AFAP1: variants seen among roughly 807,000 people sequenced by gnomAD.
The protein encoded by AFAP1 is actin filament associated protein 1, also known as actin filament-associated protein 1.
AFAP1 carries 75 observed loss-of-function variants against 93.9 expected under a neutral mutation model. That is an observed-to-expected ratio of 0.80 (90% CI 0.66 to 0.97). The LOEUF is 0.97. Ranked by LOEUF, AFAP1 falls within the 50% of genes least tolerant of loss-of-function variation. AFAP1 has a pLI of 0.00. For missense variants in AFAP1, 1,201 were observed against 1,050.8 expected, an observed-to-expected ratio of 1.14 and a Z score of -1.98; for synonymous variants, 517 against 430.7, an observed-to-expected ratio of 1.20 and a Z score of -2.48.
intron 1 of AFAP1, among the ~76,000 whole-genome samples, chr4:7,922,609 C>A (rs1334088795): frequency 6.6e-6 from 1 of 152,222 alleles, no homozygotes; most frequent in African/African-American, 2.4e-5. Flanking sequence ...AATGGAAACA[C>A]TGAAACCCAA....
intron 1 of AFAP1, among the ~76,000 whole-genome samples, chr4:7,897,346 C>G (rs1718846159): frequency 6.6e-6 from 1 of 152,160 alleles, no homozygotes; most frequent in Non-Finnish European, 1.5e-5. Context: ...AGGCTCAATT[C>G]CATATAAATG....
At chr4:7,779,741 CAT>C (rs1260628797) in intron 13 of AFAP1, among the ~76,000 whole-genome samples, 6 of 152,258 alleles carry the variant, frequency 3.9e-5, no homozygotes, top group Admixed American at 3.3e-4. Flanking sequence ...CATTTAAAAA[CAT>C]AAAGAGATAC....
intron 9 of AFAP1, among the ~76,000 whole-genome samples, chr4:7,801,645 A>C (rs190503052): frequency 2.5e-4 from 38 of 152,310 alleles, no homozygotes; most frequent in African/African-American, 8.2e-4. Flanking sequence ...ATAGTGGCAG[A>C]AAAGGAAGTA....
chr4:7,864,789 A>G (rs1716220074), intron 3 of AFAP1, among the ~76,000 whole-genome samples: 1 of 152,234 alleles, frequency 6.6e-6, no homozygotes, highest in African/African-American at 2.4e-5. Context: ...CGAGTTGATG[A>G]TTCTCTGAGA....
intron 17 of AFAP1, 56 bp from the exon 18 acceptor site, chr4:7,763,847 A>C: frequency 1.3e-6 from 2 of 1,535,124 alleles, no homozygotes; most frequent in African/African-American, 2.7e-5. Context: ...GGCTGGGACA[A>C]GCCACGCCAC....
intron 3 of AFAP1, among the ~76,000 whole-genome samples, chr4:7,859,752 G>A (rs964090715): frequency 1.3e-5 from 2 of 152,106 alleles, no homozygotes; most frequent in Non-Finnish European, 2.9e-5. Context: ...ATATAACCTA[G>A]GCTCGTGGGC....
chr4:7,785,535 T>C (rs16841240), intron 12 of AFAP1, among the ~76,000 whole-genome samples: 2,265 of 152,334 alleles, frequency 0.015, 58 homozygotes, highest in African/African-American at 0.052. Context: ...TAACTACTCA[T>C]TGATAACCTA....
intron 1 of AFAP1, among the ~76,000 whole-genome samples, chr4:7,913,251 A>G (rs1401227400): frequency 6.6e-6 from 1 of 151,970 alleles, no homozygotes; most frequent in African/African-American, 2.4e-5. Flanking sequence ...TTAGCTAGGC[A>G]TGGTGTTGCA....
At chr4:7,764,830 C>T (rs376355093) in intron 17 of AFAP1, among the ~76,000 whole-genome samples, 20 of 152,046 alleles carry the variant, frequency 1.3e-4, no homozygotes, top group East Asian at 7.8e-4. Context: ...CAGGTAGGTG[C>T]AGGGCTCATG....
intron 1 of AFAP1, among the ~76,000 whole-genome samples, chr4:7,894,316 C>A (rs1305585330): frequency 2.6e-5 from 4 of 152,174 alleles, no homozygotes; most frequent in African/African-American, 9.7e-5. Flanking sequence ...AGTCTAAAGC[C>A]TACAATATGT....
intron 1 of AFAP1, among the ~76,000 whole-genome samples, chr4:7,898,661 A>G (rs925928805): frequency 1.5e-4 from 22 of 149,260 alleles, no homozygotes; most frequent in South Asian, 4.2e-4. Context: ...AAAGAAGAAA[A>G]AAAAAAAAAA....
intron 11 of AFAP1, among the ~76,000 whole-genome samples, chr4:7,788,421 C>G (rs536161728): frequency 6.6e-6 from 1 of 152,378 alleles, no homozygotes; most frequent in Non-Finnish European, 1.5e-5. Context: ...TGGCTCCTCA[C>G]AGAGCGCGTG....
chr4:7,780,016 G>T (rs1322014063), intron 13 of AFAP1, among the ~76,000 whole-genome samples: 2 of 152,192 alleles, frequency 1.3e-5, no homozygotes, highest in African/African-American at 4.8e-5. Context: ...AACCAATGTG[G>T]GGACAATCCA....
At chr4:7,781,837 G>A (rs966042582) in intron 12 of AFAP1, among the ~76,000 whole-genome samples, 1 of 152,072 alleles carries the variant, frequency 6.6e-6, no homozygotes, top group African/African-American at 2.4e-5. Flanking sequence ...ACACAAGCAT[G>A]CAGGTGGATT....
chr4:7,868,603 T>G lies in AFAP1; in HGVS notation c.225+19A>C, dbSNP rs201002686. The G allele has an allele frequency of 3.8e-4, 607 of 1,606,154 alleles. 2 individuals are homozygous for G. The highest frequency in any genetic ancestry group is 4.8e-4 in the Non-Finnish European group (560 of 1,177,770). ...AGGCCTCCAGCGATGACCACTGAGA[T>G]GGTGGGACCTTGACTCACCAGCCAG... On this transcript the variant is annotated intron_variant, in intron 3 of 17. Coordinates refer to ENST00000420658, the MANE Select transcript of AFAP1 (RefSeq NM_001134647.2).
rs1379279870 is a variant in AFAP1, at chr4:7,939,555, C to T, written c.-3+101G>A. On this transcript the variant is annotated intron_variant, in intron 1 of 17. Coordinates refer to ENST00000420658, the MANE Select transcript of AFAP1 (RefSeq NM_001134647.2). The surrounding 1 kb of genome is among the most constrained non-coding windows in gnomAD (Gnocchi z 5.6). ...CCGAGGCCGAGACAAAGCCCAGGCG[C>T]ACGGACCCCGGACCCTGCGGAGCCC... 2 of 373,752 alleles carry T rather than the reference C, an allele frequency of 5.4e-6. No homozygotes were observed. The highest frequency in any genetic ancestry group is 1.0e-5 in the Non-Finnish European group (2 of 191,022). 23.2% of individuals were successfully genotyped at this position (373,752 alleles called of 1,614,324 possible). A position where few individuals can be genotyped will look rare whatever the true frequency, so the allele number is the denominator to read the frequency against.
intron 1 of AFAP1, among the ~76,000 whole-genome samples, chr4:7,920,540 A>G (rs1197365511): frequency 5.9e-5 from 9 of 152,242 alleles, no homozygotes; most frequent in Non-Finnish European, 1.0e-4. Flanking sequence ...GATAATTATC[A>G]AGGAAGAGAG....
In AFAP1 at chr4:7,772,555, A is replaced by C. The variant is rs1715581536; in HGVS notation, c.2253+265T>G. 6.5e-6 allele frequency: 3 copies of C among 458,598 alleles called. No individual in the cohort carries two copies. The South Asian group carries it at 1.0e-4, about 15-fold the overall frequency. 28.4% of individuals were successfully genotyped at this position (458,598 alleles called of 1,614,324 possible). ...GAGACACGAGGACTGGATCTGTTCT[A>C]AACAGATTGTGCAAAGGGGAAAGAC... On this transcript the variant is annotated intron_variant, in intron 16 of 17. Coordinates refer to ENST00000420658, the MANE Select transcript of AFAP1 (RefSeq NM_001134647.2).
intron 1 of AFAP1, among the ~76,000 whole-genome samples, chr4:7,914,087 C>T (rs1450432345): frequency 2.0e-5 from 3 of 151,068 alleles, no homozygotes; most frequent in Non-Finnish European, 4.4e-5. Flanking sequence ...CAAAGTCACA[C>T]TCTGTCGCCC....
Sources: gnomAD v4.1 joint callset for allele counts (sites outside exome capture counted in the v4.1 genomes callset) on GRCh38, gnomAD v4.1.1 for gene constraint, Gnocchi (gnomAD v3.1) non-coding constraint, MANE v1.5 for transcripts, NCBI Gene and HGNC (gene_info 2026-07-23, HGNC 2026-07-21) for gene names.